SERPINB8: variants seen among roughly 807,000 people sequenced by gnomAD.
The protein encoded by SERPINB8 is serpin family B member 8.
In SERPINB8, 25 loss-of-function variants were observed where a neutral mutation model predicts 35.3. The ratio of observed to expected loss-of-function variants is 0.71; its 90% CI spans 0.52 to 0.99. The LOEUF (loss-of-function observed/expected upper bound fraction) is 0.99. SERPINB8 is among the 50% of genes least tolerant of loss of function. The pLI, the probability that SERPINB8 is intolerant of heterozygous loss-of-function variation, is 0.00. For missense variants in SERPINB8, 484 were observed against 446.5 expected (o/e 1.08, Z -0.76); for synonymous variants, 186 against 160.8 (o/e 1.16, Z -1.19).
chr18:64,007,685 G>A (rs902696616), downstream of SERPINB8, among the ~76,000 whole-genome samples: 8 of 152,280 alleles, frequency 5.3e-5, no homozygotes, highest in African/African-American at 1.7e-4. Flanking sequence ...CATGGTTGGA[G>A]CAGGAGGAAG....
chr18:63,985,839 G>C (rs2050745172), intron 6 of SERPINB8, among the ~76,000 whole-genome samples: 1 of 152,210 alleles, frequency 6.6e-6, no homozygotes, highest in East Asian at 1.9e-4. Context: ...TGCAAGGTAG[G>C]AGGTGCAAGA....
intron 1 of SERPINB8, among the ~76,000 whole-genome samples, chr18:63,973,833 T>C (rs1441012243): frequency 1.3e-5 from 2 of 152,230 alleles, no homozygotes; most frequent in African/African-American, 2.4e-5. Flanking sequence ...TCTGTTCTGC[T>C]CCATTGGTCT....
intron 1 of SERPINB8, among the ~76,000 whole-genome samples, chr18:63,976,783 C>G (rs1322747227): frequency 6.6e-6 from 1 of 152,088 alleles, no homozygotes; most frequent in South Asian, 2.1e-4. Flanking sequence ...AGTGCTCCCT[C>G]GATGACAAGA....
At chr18:64,019,487 A>G (rs2050966304) in exon 8 of SERPINB8, 1 of 152,250 alleles carries the variant, frequency 6.6e-6, no homozygotes, top group Non-Finnish European at 1.5e-5. Flanking sequence ...AACCAATCAC[A>G]GAAATCTAAT....
chr18:63,984,544 A>G (rs1024199033), intron 5 of SERPINB8, among the ~76,000 whole-genome samples: 2 of 152,202 alleles, frequency 1.3e-5, no homozygotes, highest in South Asian at 4.1e-4. Context: ...CAAATATGAT[A>G]CTCTCATATT....
downstream of SERPINB8, among the ~76,000 whole-genome samples, chr18:63,992,764 G>T (rs1418461545): frequency 6.6e-6 from 1 of 151,886 alleles, no homozygotes; most frequent in Non-Finnish European, 1.5e-5. Flanking sequence ...GGGGTCGGGG[G>T]CACCTTGCCT....
intron 7 of SERPINB8, among the ~76,000 whole-genome samples, chr18:64,013,637 T>G (rs2050936086): frequency 6.6e-6 from 1 of 152,118 alleles, no homozygotes; most frequent in Non-Finnish European, 1.5e-5. Flanking sequence ...CCTAACTAAG[T>G]GTTAAGAAAG....
chr18:64,018,740 A>AT (rs150639219), intron 7 of SERPINB8, among the ~76,000 whole-genome samples: 6,840 of 152,248 alleles, frequency 0.045, 506 homozygotes, highest in African/African-American at 0.16. Flanking sequence ...TACACTTCCT[A>AT]TTTTTCTGGT....
rs1288389008 is a variant in SERPINB8 at position 64,011,372 on chromosome 18, G to A, written c.*2+6492G>A. ...ATGCTGTCATTTGGTATAGAAAAGGGTATGATTCATAGTGAAGATAAAATT... is the reference window on the plus strand; with the variant it reads ...ATGCTGTCATTTGGTATAGAAAAGGATATGATTCATAGTGAAGATAAAATT... On this transcript the variant is annotated intron_variant, in intron 7 of 7. Transcript: ENST00000636430. Among the ~76,000 whole-genome samples, 5 of 152,202 alleles carry A rather than the reference G, an allele frequency of 3.3e-5. No homozygotes were observed. In the East Asian group the frequency reaches 9.6e-4, roughly 29 times the overall value.
intron 7 of SERPINB8, among the ~76,000 whole-genome samples, chr18:64,015,867 G>A (rs1461689294): frequency 1.3e-5 from 2 of 152,144 alleles, no homozygotes; most frequent in Admixed American, 1.3e-4. Flanking sequence ...GGGTTTAGGC[G>A]AGCCTACTTA....
At position 63,972,259 on chromosome 18, in the gene SERPINB8, A is replaced by G. The variant is rs924703115; in HGVS notation, c.-11+2089A>G. On this transcript the variant is annotated intron_variant, in intron 1 of 6. Coordinates refer to ENST00000397985, the MANE Select transcript of SERPINB8 (RefSeq NM_002640.4). ...AACGACATAGTTTTACTGTCTACAC[A>G]TGCATCCAGAATGATTTAGTTTAGC... 5.3e-5 allele frequency among the ~76,000 whole-genome samples: 8 copies of G among 152,102 alleles called. No homozygotes were observed. In the East Asian group the frequency reaches 1.3e-3, roughly 26 times the overall value.
intron 3 of SERPINB8, among the ~76,000 whole-genome samples, chr18:63,981,185 C>G (rs1052609646): frequency 5.3e-5 from 8 of 152,216 alleles, no homozygotes; most frequent in South Asian, 4.1e-4. Flanking sequence ...CTATCACGCT[C>G]CATTCCCATG....
Position 63,983,935 on chromosome 18 carries a change from C to T in SERPINB8, c.567+214C>T, listed in dbSNP as rs112759251. ...AATCTCAGCTCACTGCAGCCTCGACCTCCCAGGCTCAAATGATTCCCCAAC... is the reference window on the plus strand; with the variant it reads ...AATCTCAGCTCACTGCAGCCTCGACTTCCCAGGCTCAAATGATTCCCCAAC... On this transcript the variant is annotated intron_variant, in intron 5 of 6. Coordinates refer to ENST00000397985, the MANE Select transcript of SERPINB8 (RefSeq NM_002640.4). Among the ~76,000 whole-genome samples, 514 of 152,292 alleles carry T rather than the reference C, an allele frequency of 3.4e-3. 4 individuals carry two copies. Among genetic ancestry groups the T allele is most frequent in the African/African-American group, 0.012 (499 of 41,556 alleles).
chr18:63,984,755 T>G (rs1162762569), intron 5 of SERPINB8, among the ~76,000 whole-genome samples: 1 of 152,212 alleles, frequency 6.6e-6, no homozygotes, highest in Non-Finnish European at 1.5e-5. Context: ...TATCTTAACT[T>G]CGATAAAGAA....
intron 1 of SERPINB8, among the ~76,000 whole-genome samples, chr18:63,999,090 G>C (rs2050862787): frequency 6.6e-6 from 1 of 152,146 alleles, no homozygotes; most frequent in Admixed American, 6.5e-5. Flanking sequence ...GAGAACCTTT[G>C]GTCCTGTGAA....
chr18:63,979,753 G>A, intron 2 of SERPINB8, 48 bp from the exon 3 acceptor site: 1 of 1,609,500 alleles, frequency 6.2e-7, no homozygotes, highest in Non-Finnish European at 8.5e-7. Context: ...AGCTCTTTGG[G>A]AGAGTATAAT....
chr18:64,016,736 T>C (rs2050952234), intron 7 of SERPINB8, among the ~76,000 whole-genome samples: 1 of 152,164 alleles, frequency 6.6e-6, no homozygotes, highest in African/African-American at 2.4e-5. Context: ...ATACATCTTG[T>C]TGGTGGAAGT....
At chr18:64,006,061 T>G (rs1463203757), downstream of SERPINB8, among the ~76,000 whole-genome samples, 2 of 152,136 alleles carry the variant, frequency 1.3e-5, no homozygotes, top group African/African-American at 2.4e-5. Context: ...GTCAAGAGGC[T>G]TTTAAAAAGA....
At chr18:64,006,651 C>T (rs971439593), downstream of SERPINB8, among the ~76,000 whole-genome samples, 9 of 152,094 alleles carry the variant, frequency 5.9e-5, no homozygotes, top group Admixed American at 2.0e-4. Context: ...ATGGAAGTAG[C>T]GTGGGGTAAT....
Sources: gnomAD v4.1 joint callset for allele counts (sites outside exome capture counted in the v4.1 genomes callset) on GRCh38, gnomAD v4.1.1 for gene constraint, MANE v1.5 for transcripts, NCBI Gene and HGNC (gene_info 2026-07-23, HGNC 2026-07-21) for gene names.